Variants in RPN2 observed in about 807,000 individuals in gnomAD.
The protein encoded by RPN2 is dolichyl-diphosphooligosaccharide--protein glycosyltransferase subunit 2.
In RPN2, 29 loss-of-function variants were observed where a neutral mutation model predicts 71.4. That is an observed-to-expected ratio of 0.41 (90% CI 0.30 to 0.55). The LOEUF is 0.55. RPN2 is among the 20% of genes least tolerant of loss of function. RPN2 has a pLI of 0.35. For synonymous variants in RPN2, 308 were observed against 305.0 expected, an observed-to-expected ratio of 1.01 and a Z score of -0.10; for missense variants, 726 against 774.1, an observed-to-expected ratio of 0.94 and a Z score of 0.74.
intron 8 of RPN2, 22 bp downstream of exon 8, chr20:37,210,187 G>T (rs967772060): frequency 1.2e-6 from 2 of 1,612,978 alleles, no homozygotes; most frequent in African/African-American, 2.7e-5. Flanking sequence ...TCATATTTTG[G>T]TGGGGCGCTG....
intron 6 of RPN2, 124 bp downstream of exon 6, chr20:37,205,025 G>A: frequency 7.3e-7 from 1 of 1,375,528 alleles, no homozygotes; most frequent in Non-Finnish European, 1.0e-6. Flanking sequence ...TCAGTGTCCT[G>A]GGTTAGGGAT....
At chr20:37,214,760 T>C (rs1000745478) in intron 9 of RPN2, among the ~76,000 whole-genome samples, 11 of 152,206 alleles carry the variant, frequency 7.2e-5, no homozygotes, top group African/African-American at 2.7e-4. Flanking sequence ...ATATGTCTTA[T>C]TACAGGTCAT....
chr20:37,235,320 C>T (rs1216684388), intron 15 of RPN2, among the ~76,000 whole-genome samples: 8 of 152,146 alleles, frequency 5.3e-5, no homozygotes, highest in South Asian at 2.1e-4. Flanking sequence ...TGTTGAGAGC[C>T]GTGGCTTTTC....
At chr20:37,201,281 CTT>C (rs373838278) in intron 4 of RPN2, among the ~76,000 whole-genome samples, 15 of 105,068 alleles carry the variant, frequency 1.4e-4, no homozygotes, top group Non-Finnish European at 1.3e-4. Context: ...AGGTCATAAG[CTT>C]TTTTTTTTTT....
chr20:37,182,840 A>T (rs117399321), intron 1 of RPN2, among the ~76,000 whole-genome samples: 1 of 152,236 alleles, frequency 6.6e-6, no homozygotes, highest in Admixed American at 6.5e-5. Flanking sequence ...GAAGCAGCCC[A>T]TTCAAAAGTG....
At chr20:37,195,053 A>G (rs1431650128) in intron 2 of RPN2, among the ~76,000 whole-genome samples, 30 of 152,108 alleles carry the variant, frequency 2.0e-4, no homozygotes, top group Non-Finnish European at 3.7e-4. Flanking sequence ...TGTTTGATTA[A>G]TTGGGGTATT....
chr20:37,186,760 CTT>C (rs923343619), intron 2 of RPN2, among the ~76,000 whole-genome samples: 27 of 152,220 alleles, frequency 1.8e-4, no homozygotes, highest in African/African-American at 6.3e-4. Context: ...TCTTAAGACT[CTT>C]TTCACCGATA....
At chr20:37,198,261 A>G (rs1213651015) in intron 2 of RPN2, 136 bp from the exon 3 acceptor site, 8 of 1,512,084 alleles carry the variant, frequency 5.3e-6, no homozygotes, top group Non-Finnish European at 7.2e-6. Flanking sequence ...TATGGAAAGT[A>G]ACTACTTAAC....
chr20:37,202,205 G>A (rs2067406665), intron 4 of RPN2, among the ~76,000 whole-genome samples: 2 of 152,146 alleles, frequency 1.3e-5, no homozygotes, highest in African/African-American at 4.8e-5. Context: ...TGAGCACAGC[G>A]TTTATCACGG....
At chr20:37,237,723 T>C (rs1196133953) in intron 16 of RPN2, among the ~76,000 whole-genome samples, 1 of 152,200 alleles carries the variant, frequency 6.6e-6, no homozygotes, top group Non-Finnish European at 1.5e-5. Context: ...TGGTTCATTT[T>C]GCCACCCTCC....
intron 15 of RPN2, among the ~76,000 whole-genome samples, chr20:37,235,235 T>A (rs1464510077): frequency 6.6e-6 from 1 of 152,198 alleles, no homozygotes; most frequent in Non-Finnish European, 1.5e-5. Context: ...GGATGACCTT[T>A]CTCTCTGGCT....
At chr20:37,190,549 G>A (rs966649264) in intron 2 of RPN2, among the ~76,000 whole-genome samples, 5 of 152,176 alleles carry the variant, frequency 3.3e-5, no homozygotes, top group Admixed American at 3.3e-4. Context: ...CACGTTGATG[G>A]CATGTGGTAA....
chr20:37,187,033 T>C (rs540050086), intron 2 of RPN2, among the ~76,000 whole-genome samples: 7 of 152,336 alleles, frequency 4.6e-5, no homozygotes, highest in Non-Finnish European at 1.0e-4. Flanking sequence ...TAATATCTGG[T>C]TATTTCACTT....
chr20:37,209,576 G>C (rs2067605301), intron 7 of RPN2, among the ~76,000 whole-genome samples: 1 of 151,814 alleles, frequency 6.6e-6, no homozygotes, highest in Non-Finnish European at 1.5e-5. Flanking sequence ...CAGTCCTCCT[G>C]CCTCAACTTC....
chr20:37,213,115 C>G (rs530399371), intron 8 of RPN2, among the ~76,000 whole-genome samples: 1 of 152,140 alleles, frequency 6.6e-6, no homozygotes, highest in African/African-American at 2.4e-5. Flanking sequence ...GTACACCAAC[C>G]TCTTTGTACA....
In RPN2 at chr20:37,232,458, A is replaced by G. The variant is rs1040192705; in HGVS notation, c.1677+67A>G. The G allele has an allele frequency of 1.1e-5, 18 of 1,575,166 alleles. No homozygotes were observed. The Admixed American group carries it at 1.3e-4, about 12-fold the overall frequency. On this transcript the variant is annotated intron_variant, in intron 14 of 16. Transcript: ENST00000237530. ...CAGACCCAGCAGATGCATTCCTTCC[A>G]AAGGAGGCTGTGTTGTCTGGCCTCA... is the stretch of plus-strand genomic sequence containing the variant.
intron 6 of RPN2, among the ~76,000 whole-genome samples, chr20:37,205,993 A>G (rs2067502679): frequency 6.6e-6 from 1 of 152,214 alleles, no homozygotes; most frequent in Non-Finnish European, 1.5e-5. Flanking sequence ...ACAGTCACCC[A>G]TTTTAACGTG....
chr20:37,230,089 G>C, intron 13 of RPN2, 30 bp downstream of exon 13: 1 of 1,545,728 alleles, frequency 6.5e-7, no homozygotes, highest in Non-Finnish European at 8.9e-7. Context: ...TCCACTAAAC[G>C]TGGGAGAAGA....
rs73293744 is a variant in RPN2 at position 37,227,868 on chromosome 20, T to C, written c.1300-682T>C. Among the ~76,000 whole-genome samples, 788 of 152,366 alleles carry C rather than the reference T, an allele frequency of 5.2e-3. 5 individuals are homozygous for C. Among genetic ancestry groups the C allele is most frequent in the African/African-American group, 0.018 (751 of 41,584 alleles). On this transcript the variant is annotated intron_variant, in intron 11 of 16. Transcript: ENST00000237530. The stretch of plus-strand genomic sequence containing the variant: ...ACTACTATTTGTTGACTAGCTAGCA[T>C]ATACCGTTCCCTGCACTAATGCTTA...
Sources: allele counts gnomAD v4.1 joint callset (sites outside exome capture counted in the v4.1 genomes callset), GRCh38; gene constraint gnomAD v4.1.1; transcripts MANE v1.5; gene names NCBI Gene and HGNC (gene_info 2026-07-23, HGNC 2026-07-21).